The following RBFOX1 variants were observed in gnomAD, a reference collection of about 807,000 sequenced individuals.
The protein encoded by RBFOX1 is RNA binding protein fox-1 homolog 1.
RBFOX1 carries 8 observed loss-of-function variants against 57.7 expected under a neutral mutation model. That is an observed-to-expected ratio of 0.14 (90% CI 0.08 to 0.25). The LOEUF is 0.25. RBFOX1 is among the 10% of genes least tolerant of loss of function. RBFOX1 has a pLI of 1.00. For synonymous variants in RBFOX1, 326 were observed against 222.4 expected (o/e 1.47, Z -4.15); for missense variants, 611 against 548.5 (o/e 1.11, Z -1.14).
intron 8 of RBFOX1, among the ~76,000 whole-genome samples, chr16:7,596,128 AAAAAAAAC>A (rs1172793931): frequency 0.052 from 153 of 2,940 alleles, 1 homozygote; most frequent in Admixed American, 0.15. Context: ...TTTTTGTGGA[AAAAAAAAC>A]AAAAAAAAAA....
intron 3 of RBFOX1, among the ~76,000 whole-genome samples, chr16:5,681,072 A>AATAT (rs150115056): frequency 2.0e-5 from 3 of 149,682 alleles, no homozygotes; most frequent in South Asian, 2.1e-4. Flanking sequence ...CCCATGAGGT[A>AATAT]ATATATATAT....
chr16:6,933,476 G>T (rs2076887196), intron 3 of RBFOX1, among the ~76,000 whole-genome samples: 1 of 152,226 alleles, frequency 6.6e-6, no homozygotes, highest in Admixed American at 6.5e-5. Flanking sequence ...TCTTTGGGAA[G>T]CCAAGGCAGG....
intron 3 of RBFOX1, among the ~76,000 whole-genome samples, chr16:6,908,643 C>T (rs559409565): frequency 1.2e-4 from 18 of 152,290 alleles, no homozygotes; most frequent in Non-Finnish European, 1.5e-4. Flanking sequence ...TATCCTATTT[C>T]TTCCAGAATA....
intron 2 of RBFOX1, among the ~76,000 whole-genome samples, chr16:6,343,034 G>A (rs1488842545): frequency 6.6e-6 from 1 of 152,088 alleles, no homozygotes; most frequent in Non-Finnish European, 1.5e-5. Flanking sequence ...AGTCATTTCT[G>A]ATAAGGATTT....
At chr16:7,696,176 C>G (rs2078742611) in intron 14 of RBFOX1, among the ~76,000 whole-genome samples, 2 of 152,162 alleles carry the variant, frequency 1.3e-5, no homozygotes, top group Admixed American at 1.3e-4. Context: ...TATCTATTTT[C>G]TTACCTAGGA....
chr16:7,693,171 C>G (rs1333509127), intron 14 of RBFOX1: 10 of 648,814 alleles, frequency 1.5e-5, no homozygotes, highest in Non-Finnish European at 2.2e-5. Flanking sequence ...TTTCTAAACT[C>G]TGAGGTACAT....
rs370691230 is a variant in RBFOX1, at chr16:7,306,818, C to T, written c.28-211329C>T. Among the ~76,000 whole-genome samples the T allele has an allele frequency of 1.3e-4, 20 of 152,240 alleles. No individual in the cohort carries two copies. In the South Asian group the frequency reaches 2.3e-3, roughly 17 times the overall value. On this transcript the variant is annotated intron_variant, in intron 4 of 15. Transcript: ENST00000550418. ...TATTTTATTTAGCATTCCAGACAAT[C>T]GGCTGATTAAGAGTGTGAAATAGTT... is the stretch of plus-strand genomic sequence containing the variant.
At chr16:6,813,667 ATTTC>A (rs1201915325) in intron 3 of RBFOX1, among the ~76,000 whole-genome samples, 1 of 152,102 alleles carries the variant, frequency 6.6e-6, no homozygotes, top group Non-Finnish European at 1.5e-5. Context: ...TTCATTTTGA[ATTTC>A]TTTATCACCT....
chr16:7,001,185 C>G (rs560212278), intron 3 of RBFOX1, among the ~76,000 whole-genome samples: 3 of 152,174 alleles, frequency 2.0e-5, no homozygotes, highest in African/African-American at 7.2e-5. Context: ...CCAAAGGAGA[C>G]TAATGATCAT....
chr16:5,458,681 A>C (rs1351756649), intron 1 of RBFOX1, among the ~76,000 whole-genome samples: 1 of 152,190 alleles, frequency 6.6e-6, no homozygotes, highest in African/African-American at 2.4e-5. Context: ...CAAATAGGCA[A>C]CTGGGTTTTA....
chr16:6,323,175 C>A (rs949186053), intron 2 of RBFOX1, among the ~76,000 whole-genome samples: 2 of 152,196 alleles, frequency 1.3e-5, no homozygotes, highest in Non-Finnish European at 2.9e-5. Flanking sequence ...ACAATTCCTT[C>A]TGCTTCTTTA....
intron 4 of RBFOX1, among the ~76,000 whole-genome samples, chr16:7,391,034 G>A (rs2098004291): frequency 6.6e-6 from 1 of 152,110 alleles, no homozygotes; most frequent in Admixed American, 6.5e-5. Flanking sequence ...GAGGCTCATT[G>A]GTAAGCCTTG....
chr16:6,854,753 C>G (rs1021029506), intron 3 of RBFOX1, among the ~76,000 whole-genome samples: 5 of 151,738 alleles, frequency 3.3e-5, no homozygotes, highest in African/African-American at 9.7e-5. Flanking sequence ...TGCCATTGCG[C>G]CCGGCTAATT....
chr16:6,778,886 T>G (rs2079851083), intron 3 of RBFOX1, among the ~76,000 whole-genome samples: 1 of 152,000 alleles, frequency 6.6e-6, no homozygotes, highest in South Asian at 2.1e-4. Context: ...TTTTTAATTT[T>G]TATGGTTATG....
At chr16:5,833,828 T>C (rs918974478) in intron 3 of RBFOX1, among the ~76,000 whole-genome samples, 1 of 152,220 alleles carries the variant, frequency 6.6e-6, no homozygotes, top group African/African-American at 2.4e-5. Flanking sequence ...ATTATAATTT[T>C]GGAAAGATTG....
chr16:6,141,407 G>A (rs945229730), intron 1 of RBFOX1, among the ~76,000 whole-genome samples: 7 of 152,136 alleles, frequency 4.6e-5, no homozygotes, highest in East Asian at 3.9e-4. Flanking sequence ...TCTGCTTGTC[G>A]CTTGTCTCCT....
chr16:7,664,300 T>G (rs559256677), intron 12 of RBFOX1, among the ~76,000 whole-genome samples: 2 of 152,326 alleles, frequency 1.3e-5, no homozygotes, highest in Admixed American at 1.3e-4. Context: ...AGAAAACACA[T>G]TCTTGCACAT....
chr16:5,871,702 G>A (rs1273727952), intron 4 of RBFOX1, among the ~76,000 whole-genome samples: 1 of 152,104 alleles, frequency 6.6e-6, no homozygotes, highest in Non-Finnish European at 1.5e-5. Flanking sequence ...GCCAAACAAA[G>A]GAGGTTATAG....
Position 6,423,771 on chromosome 16 carries a change from C to T in RBFOX1, c.-64+106714C>T, listed in dbSNP as rs377160966. Among the ~76,000 whole-genome samples the T allele has an allele frequency of 4.6e-5, 7 of 152,128 alleles. No homozygotes were observed. In the East Asian group the frequency reaches 7.8e-4, roughly 17 times the overall value. On this transcript the variant is annotated intron_variant, in intron 2 of 15. Transcript: ENST00000550418. ...CAGCCGCCAGATGAGAGTTCAGCTA[C>T]GACGCAGCACTGCAGGCCCAGGAAG...
Sources: allele counts gnomAD v4.1 joint callset (sites outside exome capture counted in the v4.1 genomes callset), GRCh38; gene constraint gnomAD v4.1.1; transcripts MANE v1.5; gene names NCBI Gene and HGNC (gene_info 2026-07-23, HGNC 2026-07-21).